Variants in AGAP1 observed in about 807,000 individuals in gnomAD.
AGAP1 encodes the protein arf-GAP with GTPase, ANK repeat and PH domain-containing protein 1.
AGAP1 carries 29 observed loss-of-function variants against 105.3 expected under a neutral mutation model. That is an observed-to-expected ratio of 0.28 (90% confidence interval 0.21 to 0.38). The LOEUF is 0.38. Ranked by LOEUF, AGAP1 falls within the 10% of genes least tolerant of loss-of-function variation. The pLI, the probability that AGAP1 is intolerant of heterozygous loss-of-function variation, is 1.00. For synonymous variants in AGAP1, 509 were observed against 485.9 expected (o/e 1.05, Z -0.63); for missense variants, 998 against 1,165.1 (o/e 0.86, Z 2.09).
In AGAP1 at chr2:235,795,563, C is replaced by T. The variant is rs115494549; in HGVS notation, c.674-2196C>T. The stretch of plus-strand genomic sequence containing the variant: ...GTAGTTTTAAAGCATTCAAGCAGTC[C>T]GTATATTTTAGAACAATATATTTAT... On this transcript the variant is annotated intron_variant, in intron 6 of 17. Transcript: ENST00000304032. Among the ~76,000 whole-genome samples the T allele has an allele frequency of 6.2e-3, 944 of 151,876 alleles. 5 individuals carry two copies. The highest frequency in any genetic ancestry group is 0.022 in the African/African-American group (906 of 41,396).
chr2:235,784,558 G>A (rs867979097), intron 6 of AGAP1, among the ~76,000 whole-genome samples: 13 of 134,620 alleles, frequency 9.7e-5, no homozygotes, highest in Admixed American at 3.2e-4. Context: ...TGCTGTGAGC[G>A]ATTACAATGG....
intron 9 of AGAP1, among the ~76,000 whole-genome samples, chr2:235,856,747 G>A (rs190187988): frequency 1.3e-5 from 2 of 152,370 alleles, no homozygotes; most frequent in South Asian, 2.1e-4. Flanking sequence ...GGAGTTGGAT[G>A]TAGGACAACC....
chr2:235,603,242 T>A (rs1322364384), intron 1 of AGAP1, among the ~76,000 whole-genome samples: 1 of 152,138 alleles, frequency 6.6e-6, no homozygotes. Context: ...TGCCGCCATG[T>A]AAGATGTGCC....
At position 235,864,100 on chromosome 2, in the gene AGAP1, C is replaced by A. The variant is rs1230758150; in HGVS notation, c.1051-19245C>A. Among the ~76,000 whole-genome samples the A allele has an allele frequency of 6.6e-6, 1 of 152,160 alleles. No individual in the cohort carries two copies. The highest frequency in any genetic ancestry group is 1.9e-4 in the East Asian group (1 of 5,192). The stretch of plus-strand genomic sequence containing the variant: ...ACTTGAATGCGCAAGCGGGCCGTTC[C>A]CACGTGATTTAATAAACAGTTGCTG... On this transcript the variant is annotated intron_variant, in intron 9 of 17. Transcript: ENST00000304032. This position sits in a 1 kb window ranked among gnomAD's most constrained non-coding sequence, Gnocchi z 5.0.
intron 11 of AGAP1, among the ~76,000 whole-genome samples, chr2:235,918,569 G>A (rs1190788873): frequency 1.3e-5 from 2 of 152,168 alleles, no homozygotes; most frequent in Non-Finnish European, 2.9e-5. Flanking sequence ...TGAGGTTTAG[G>A]CAAATTCGTG....
chr2:235,841,856 T>C (rs941679089), intron 9 of AGAP1, among the ~76,000 whole-genome samples: 4 of 152,180 alleles, frequency 2.6e-5, no homozygotes, highest in African/African-American at 9.7e-5. Context: ...CCAGGCCGCA[T>C]TTCCTCCTGA....
intron 9 of AGAP1, among the ~76,000 whole-genome samples, chr2:235,820,291 T>C (rs1419176352): frequency 6.6e-6 from 1 of 152,236 alleles, no homozygotes; most frequent in African/African-American, 2.4e-5. Flanking sequence ...TTCAGGAACA[T>C]TATAATTTTT....
At chr2:235,846,667 A>G (rs1284346313) in intron 9 of AGAP1, among the ~76,000 whole-genome samples, 1 of 150,426 alleles carries the variant, frequency 6.6e-6, no homozygotes, top group Non-Finnish European at 1.5e-5. Context: ...TGTTGTTTTT[A>G]GAGACAAAGC....
Position 235,994,833 on chromosome 2 carries a change from G to A in AGAP1, c.1645+26210G>A, listed in dbSNP as rs1347603734. 2.6e-5 allele frequency among the ~76,000 whole-genome samples: 4 copies of A among 151,010 alleles called. No individual in the cohort carries two copies. Among genetic ancestry groups the A allele is most frequent in the East Asian group, 1.9e-4 (1 of 5,158 alleles). On this transcript the variant is annotated intron_variant, in intron 13 of 17. Transcript: ENST00000304032. This position sits in a 1 kb window ranked among gnomAD's most constrained non-coding sequence, Gnocchi z 4.4. ...TGTAATCCTAGCACTTTGGGAGGCC[G>A]AGGCGGGCGGATCACGAGGTCAGGA...
At chr2:236,048,763 G>A (rs139805349) in intron 15 of AGAP1, among the ~76,000 whole-genome samples, 2,260 of 152,318 alleles carry the variant, frequency 0.015, 20 homozygotes, top group Non-Finnish European at 0.021. Flanking sequence ...GAATGCTGCT[G>A]TGACATATGG....
rs1185781621 is a variant in AGAP1 at position 235,931,606 on chromosome 2, G to A, written c.1483+683G>A. 1.3e-5 allele frequency among the ~76,000 whole-genome samples: 2 copies of A among 151,928 alleles called. No homozygotes were observed. Among genetic ancestry groups the A allele is most frequent in the East Asian group, 1.9e-4 (1 of 5,162 alleles). ...GCGTTTTGTCTCTGGCCTGTTCACC[G>A]GTATTTAAAGGAATTCCCACTGTTG... On this transcript the variant is annotated intron_variant, in intron 12 of 17. Transcript: ENST00000304032. The surrounding 1 kb of genome is among the most constrained non-coding windows in gnomAD (Gnocchi z 5.6).
chr2:235,536,172 C>CAG (rs1943212354), intron 1 of AGAP1, among the ~76,000 whole-genome samples: 1 of 127,628 alleles, frequency 7.8e-6, no homozygotes, highest in Non-Finnish European at 1.7e-5. Flanking sequence ...CACACACACA[C>CAG]ACACACAGCA....
Position 235,608,969 on chromosome 2 carries a change from TAGTAGA to T in AGAP1, c.164-100204_164-100199del, listed in dbSNP as rs2149250499. Among the ~76,000 whole-genome samples, 1 of 151,222 alleles carries T rather than the reference TAGTAGA, an allele frequency of 6.6e-6. No individual in the cohort carries two copies. The highest frequency in any genetic ancestry group is 2.0e-4 in the East Asian group (1 of 5,102). ...CAAATGATAGTACTAGGAATAATAG[TAGTAGA>T]AGTAGTAATAATAATTACAGAAGAG... On this transcript the variant is annotated intron_variant, in intron 1 of 17. Coordinates refer to ENST00000304032, the MANE Select transcript of AGAP1 (RefSeq NM_001037131.3). The surrounding 1 kb of genome is among the most constrained non-coding windows in gnomAD (Gnocchi z 5.4).
chr2:235,833,864 T>G (rs1015094608), intron 9 of AGAP1, among the ~76,000 whole-genome samples: 1 of 151,462 alleles, frequency 6.6e-6, no homozygotes, highest in Non-Finnish European at 1.5e-5. Context: ...GGTTTTTTTT[T>G]TTTTTTTTTT....
chr2:235,807,362 T>G, intron 9 of AGAP1, 31 bp downstream of exon 9: 1 of 1,556,972 alleles, frequency 6.4e-7, no homozygotes, highest in Non-Finnish European at 8.6e-7. Context: ...TCCCTCCCTG[T>G]CGCCGGAGAT....
At position 236,075,999 on chromosome 2, in the gene AGAP1, C is replaced by T. The variant is rs561962873; in HGVS notation, c.2114+26718C>T. On this transcript the variant is annotated intron_variant, in intron 16 of 17. Transcript: ENST00000304032. ...TGGGTCACCCAGGCGGAGGCGGTGC[C>T]GCCCCCTCACATGGACCAGGGGTCT... is the stretch of plus-strand genomic sequence containing the variant. Among the ~76,000 whole-genome samples the T allele has an allele frequency of 1.4e-4, 21 of 152,310 alleles. No individual in the cohort carries two copies. The East Asian group carries it at 3.7e-3, about 27-fold the overall frequency.
At chr2:235,521,326 A>T (rs969684276) in intron 1 of AGAP1, among the ~76,000 whole-genome samples, 1 of 152,236 alleles carries the variant, frequency 6.6e-6, no homozygotes, top group Admixed American at 6.5e-5. Flanking sequence ...AAATAGTTAT[A>T]TAACTAGTTA....
intron 9 of AGAP1, among the ~76,000 whole-genome samples, chr2:235,836,862 T>A (rs550558591): frequency 6.6e-6 from 1 of 152,122 alleles, no homozygotes; most frequent in Non-Finnish European, 1.5e-5. Context: ...GAGGAACGGG[T>A]TACACTGGTG....
Position 235,551,772 on chromosome 2 carries a change from C to T in AGAP1, c.163+56923C>T, listed in dbSNP as rs1298669295. On this transcript the variant is annotated intron_variant, in intron 1 of 17. Transcript: ENST00000304032. This position sits in a 1 kb window ranked among gnomAD's most constrained non-coding sequence, Gnocchi z 4.8. Reference sequence around the variant, plus strand: ...CCTAAAAGACTTTCTCTGAATGTTACCTTTGCTCTTCACCTTGACTGGTAG... The same window carrying T: ...CCTAAAAGACTTTCTCTGAATGTTATCTTTGCTCTTCACCTTGACTGGTAG... Among the ~76,000 whole-genome samples the T allele has an allele frequency of 6.6e-6, 1 of 152,174 alleles. No individual in the cohort carries two copies. The highest frequency in any genetic ancestry group is 1.5e-5 in the Non-Finnish European group (1 of 68,044).
Sources: gnomAD v4.1 joint callset for allele counts (sites outside exome capture counted in the v4.1 genomes callset) on GRCh38, gnomAD v4.1.1 for gene constraint, Gnocchi (gnomAD v3.1) non-coding constraint, MANE v1.5 for transcripts, NCBI Gene and HGNC (gene_info 2026-07-23, HGNC 2026-07-21) for gene names.